MRPS10: variants seen among roughly 807,000 people sequenced by gnomAD.
MRPS10 encodes the protein small ribosomal subunit protein uS10m.
A neutral mutation model predicts 27.5 loss-of-function variants in MRPS10; 23 were observed. That is an observed-to-expected ratio of 0.84 (90% CI 0.60 to 1.18). MRPS10 has a LOEUF of 1.18. Among genes scored for constraint, MRPS10 ranks in the 50% most tolerant of loss-of-function variants. MRPS10 has a pLI of 0.00. For missense variants in MRPS10, 237 were observed against 240.1 expected, an observed-to-expected ratio of 0.99 and a Z score of 0.09; for synonymous variants, 88 against 84.2, an observed-to-expected ratio of 1.04 and a Z score of -0.25.
chr6:42,209,939 C>T (rs1768729716), intron 5 of MRPS10, among the ~76,000 whole-genome samples: 2 of 152,126 alleles, frequency 1.3e-5, no homozygotes, highest in African/African-American at 4.8e-5. Context: ...AATCCTCACA[C>T]TAACCTTATG....
chr6:42,210,841 A>T (rs1282516392), intron 4 of MRPS10, among the ~76,000 whole-genome samples: 2 of 152,220 alleles, frequency 1.3e-5, no homozygotes. Flanking sequence ...TCAAGTGTGC[A>T]AGCATACACA....
intron 4 of MRPS10, 27 bp from the exon 5 acceptor site, chr6:42,210,623 T>G: frequency 1.9e-6 from 3 of 1,550,760 alleles, no homozygotes; most frequent in Non-Finnish European, 2.6e-6. Context: ...AAACAAAACC[T>G]GAGTCACTAT....
rs556940845 is a variant in MRPS10 at position 42,211,174 on chromosome 6, G to A, written c.324-578C>T. Among the ~76,000 whole-genome samples the A allele has an allele frequency of 3.0e-4, 45 of 152,276 alleles. 1 individual carries two copies. Among genetic ancestry groups the A allele is most frequent in the Admixed American group, 2.7e-3 (41 of 15,294 alleles). On this transcript the variant is annotated intron_variant, in intron 4 of 6. Transcript: ENST00000053468. Reference sequence around the variant, plus strand: ...TACCTTGTTCAAGCAAGAAATTACTGGGTAAGTGGTGTTTCTTAGGGAAGA... The same window carrying A: ...TACCTTGTTCAAGCAAGAAATTACTAGGTAAGTGGTGTTTCTTAGGGAAGA...
At chr6:42,211,627 T>C (rs1768775521) in intron 4 of MRPS10, among the ~76,000 whole-genome samples, 154 bp downstream of exon 4, 1 of 150,814 alleles carries the variant, frequency 6.6e-6, no homozygotes, top group African/African-American at 2.4e-5. Context: ...TGAGCTGAGG[T>C]TGTGCCACTG....
At chr6:42,215,194 G>C (rs1768888414) in intron 1 of MRPS10, among the ~76,000 whole-genome samples, 1 of 151,754 alleles carries the variant, frequency 6.6e-6, no homozygotes, top group South Asian at 2.1e-4. Context: ...TTCCAGAGCA[G>C]CCTGGCCAAC....
At chr6:42,215,794 T>C (rs1448907985) in intron 1 of MRPS10, among the ~76,000 whole-genome samples, 1 of 152,014 alleles carries the variant, frequency 6.6e-6, no homozygotes, top group South Asian at 2.1e-4. Context: ...AAATCATAAC[T>C]CTATAATCTT....
At chr6:42,217,354 A>G (rs915151263) in intron 1 of MRPS10, among the ~76,000 whole-genome samples, 1 of 152,314 alleles carries the variant, frequency 6.6e-6, no homozygotes, top group East Asian at 1.9e-4. Flanking sequence ...CGCAGAGGAT[A>G]TCTAACCCAC....
At position 42,217,841 on chromosome 6, in the gene MRPS10, C is replaced by T. The variant is rs369919382; in HGVS notation, c.9G>A (p.Ala3=). ...GGCACACAGCACCGAACGCTGTCCG[C>T]GCCGCCATCTTGCCGGTCCCGACCT... MA[A]RTAFGAVCRR... is the part of the protein sequence containing the mutation. The change falls in exon 1 of 7, where the codon GCG becomes GCA. Residue 3 remains alanine (A), a synonymous_variant. Coordinates refer to ENST00000053468, the MANE Select transcript of MRPS10 (RefSeq NM_018141.4). 2.5e-6 allele frequency: 4 copies of T among 1,614,100 alleles called. No individual in the cohort carries two copies. In the East Asian group the frequency reaches 6.7e-5, roughly 27 times the overall value.
At chr6:42,208,583 G>A (rs1374527241) in intron 6 of MRPS10, among the ~76,000 whole-genome samples, 1 of 152,164 alleles carries the variant, frequency 6.6e-6, no homozygotes, top group Non-Finnish European at 1.5e-5. Context: ...TGATCTTCAT[G>A]GATTGCCACT....
chr6:42,214,480 AT>A, intron 1 of MRPS10, 136 bp from the exon 2 acceptor site: 1 of 498,656 alleles, frequency 2.0e-6, no homozygotes, highest in East Asian at 3.5e-5. Flanking sequence ...GCCAAATTAG[AT>A]TGAAAAAAAA....
intron 3 of MRPS10, among the ~76,000 whole-genome samples, chr6:42,212,955 G>A (rs2113863925): frequency 6.6e-6 from 1 of 152,334 alleles, no homozygotes; most frequent in Non-Finnish European, 1.5e-5. Context: ...CTGGATTTCA[G>A]TTTAGCTTGG....
intron 5 of MRPS10, among the ~76,000 whole-genome samples, chr6:42,209,617 G>T: frequency 6.6e-6 from 1 of 151,684 alleles, no homozygotes. Context: ...GCGCGGTGGC[G>T]TACACCTGTA....
chr6:42,208,557 T>C (rs1433229248), intron 6 of MRPS10, among the ~76,000 whole-genome samples, 185 bp from the exon 7 acceptor site: 1 of 152,182 alleles, frequency 6.6e-6, no homozygotes, highest in East Asian at 1.9e-4. Context: ...ACATACATAA[T>C]CGATTTGATC....
rs149534709 is a variant in MRPS10, at chr6:42,211,786, A to T, written c.318T>A (p.Ile106=). ...VLAAKELGIS[I]KVHEPPRKIE... ...TCAGGAAAGGCCATACTCACACTTT[A>T]ATAGAGATACCAAGTTCTTTAGCAG... The change falls in exon 4 of 7, where the codon ATT becomes ATA. Residue 106 remains isoleucine (I), a synonymous_variant. Transcript: ENST00000053468. 519 of 1,613,328 alleles carry T rather than the reference A, an allele frequency of 3.2e-4. 5 individuals carry two copies. The African/African-American group carries it at 6.2e-3, about 19-fold the overall frequency.
chr6:42,215,695 G>C (rs1477294071), intron 1 of MRPS10, among the ~76,000 whole-genome samples: 1 of 152,098 alleles, frequency 6.6e-6, no homozygotes, highest in Non-Finnish European at 1.5e-5. Context: ...CCAAAGTGCT[G>C]GGATTTCAGG....
At chr6:42,209,870 T>A (rs184080313) in intron 5 of MRPS10, among the ~76,000 whole-genome samples, 16 of 152,126 alleles carry the variant, frequency 1.1e-4, no homozygotes, top group African/African-American at 3.9e-4. Flanking sequence ...TTTTAATATT[T>A]ACCAATCACT....
Position 42,217,753 on chromosome 6 carries a change from A to G in MRPS10, c.48+49T>C, listed in dbSNP as rs771144644. ...AGCGGCTGGTGGCAGGGAAACTTAAAAGCAACTATCCCGGTCAGCCCTCCT... is the reference window on the plus strand; with the variant it reads ...AGCGGCTGGTGGCAGGGAAACTTAAGAGCAACTATCCCGGTCAGCCCTCCT... On this transcript the variant is annotated intron_variant, in intron 1 of 6. Coordinates refer to ENST00000053468, the MANE Select transcript of MRPS10 (RefSeq NM_018141.4). 1.0e-5 allele frequency: 16 copies of G among 1,594,856 alleles called. 1 individual carries two copies. In the Middle Eastern group the frequency reaches 5.0e-4, roughly 50 times the overall value.
chr6:42,215,374 A>C (rs571537383), intron 1 of MRPS10, among the ~76,000 whole-genome samples: 2 of 150,922 alleles, frequency 1.3e-5, no homozygotes, highest in East Asian at 1.9e-4. Context: ...AAAAAAAAAG[A>C]AGTTTAGCAT....
In MRPS10 at chr6:42,208,199, A is replaced by G; in HGVS notation, c.*90T>C. Reference sequence around the variant, plus strand: ...AATGGAGCAGTTAGGGCAGACTCAAATCATCTCAGCTGGAAGCACTCTCCA... The same window carrying G: ...AATGGAGCAGTTAGGGCAGACTCAAGTCATCTCAGCTGGAAGCACTCTCCA... On this transcript the variant is annotated 3_prime_UTR_variant, in exon 7 of 7. Coordinates refer to ENST00000053468, the MANE Select transcript of MRPS10 (RefSeq NM_018141.4). 2.0e-6 allele frequency: 2 copies of G among 987,964 alleles called. No homozygotes were observed. Among genetic ancestry groups the G allele is most frequent in the South Asian group, 2.7e-5 (2 of 74,192 alleles). 61.2% of individuals were successfully genotyped at this position (987,964 alleles called of 1,614,324 possible). A position where few individuals can be genotyped will look rare whatever the true frequency, so the allele number is the denominator to read the frequency against.
Sources: gnomAD v4.1 joint callset for allele counts (sites outside exome capture counted in the v4.1 genomes callset) on GRCh38, gnomAD v4.1.1 for gene constraint, MANE v1.5 for transcripts, NCBI Gene and HGNC (gene_info 2026-07-23, HGNC 2026-07-21) for gene names.